Variants in RFX6 observed in about 807,000 individuals in gnomAD.
RFX6 encodes the protein regulatory factor X6, also known as DNA-binding protein RFX6.
A neutral mutation model predicts 110.8 loss-of-function variants in RFX6; 50 were observed. The observed-to-expected ratio is 0.45, with a 90% CI of 0.36 to 0.57. The LOEUF (loss-of-function observed/expected upper bound fraction) is 0.57. RFX6 is among the 20% of genes least tolerant of loss of function. The probability of loss-of-function intolerance (pLI) is 0.00; values close to 1 mark genes in which losing one functional copy is unlikely to be tolerated. For synonymous variants in RFX6, 383 were observed against 411.2 expected (o/e 0.93, Z 0.83); for missense variants, 990 against 1,127.0 (o/e 0.88, Z 1.74).
chr6:116,915,701 T>G (rs977613372), intron 7 of RFX6, among the ~76,000 whole-genome samples: 10 of 152,026 alleles, frequency 6.6e-5, no homozygotes, highest in Admixed American at 5.9e-4. Context: ...TAAATTTAAA[T>G]TAAAAATTAA....
chr6:116,924,823 T>A (rs1343994760), intron 15 of RFX6, 32 bp downstream of exon 15: 1 of 1,466,054 alleles, frequency 6.8e-7, no homozygotes, highest in South Asian at 1.1e-5. Flanking sequence ...GTTTTGCATA[T>A]TTCTTTGTTT....
chr6:116,899,318 T>G (rs1362451920), intron 6 of RFX6, among the ~76,000 whole-genome samples: 1 of 152,142 alleles, frequency 6.6e-6, no homozygotes, highest in Admixed American at 6.6e-5. Flanking sequence ...GAGTGGGTAA[T>G]TAATTTTTGG....
chr6:116,927,642 G>A (rs1775775628), intron 17 of RFX6, 103 bp downstream of exon 17: 6 of 909,450 alleles, frequency 6.6e-6, no homozygotes, highest in Non-Finnish European at 1.0e-5. Context: ...TTTCATTTAA[G>A]GCTTCCAAAG....
In RFX6 at chr6:116,920,455, G is replaced by A. The variant is rs1775570007; in HGVS notation, c.1327+1G>A. ...ACTGAATCTGGTATCTACACTGAACGTAAGTCCATTCTCTTTGTTTAGAAC... is the reference window on the plus strand; with the variant it reads ...ACTGAATCTGGTATCTACACTGAACATAAGTCCATTCTCTTTGTTTAGAAC... On this transcript the variant is annotated splice_donor_variant, in intron 12 of 18. Transcript: ENST00000332958. LOFTEE classifies it high-confidence loss of function. The A allele has an allele frequency of 3.7e-6, 6 of 1,612,322 alleles. No homozygotes were observed. The highest frequency in any genetic ancestry group is 3.4e-6 in the Non-Finnish European group (4 of 1,178,470).
At position 116,926,417 on chromosome 6, in the gene RFX6, C is replaced by T. The variant is rs113415667; in HGVS notation, c.1886-610C>T. 1.1e-3 allele frequency among the ~76,000 whole-genome samples: 172 copies of T among 152,270 alleles called. 1 individual carries two copies. The highest frequency in any genetic ancestry group is 4.0e-3 in the African/African-American group (168 of 41,556). On this transcript the variant is annotated intron_variant, in intron 16 of 18. Transcript: ENST00000332958. Reference sequence around the variant, plus strand: ...TATTTGGTGGCTTGAACTAGCTACTCGGGAATATTTTAAATCTGCTTATTG... The same window carrying T: ...TATTTGGTGGCTTGAACTAGCTACTTGGGAATATTTTAAATCTGCTTATTG...
At chr6:116,921,903 C>T in intron 12 of RFX6, 139 bp from the exon 13 acceptor site, 1 of 632,672 alleles carries the variant, frequency 1.6e-6, no homozygotes. Context: ...GATATTAATT[C>T]TTTTCACACA....
intron 6 of RFX6, among the ~76,000 whole-genome samples, chr6:116,895,755 C>A (rs1476602504): frequency 6.6e-6 from 1 of 152,126 alleles, no homozygotes; most frequent in Middle Eastern, 3.4e-3. Flanking sequence ...GTTAGACTAC[C>A]ATTAGGGACT....
intron 6 of RFX6, among the ~76,000 whole-genome samples, chr6:116,908,828 T>C (rs1200509853): frequency 6.6e-6 from 1 of 152,110 alleles, no homozygotes; most frequent in Non-Finnish European, 1.5e-5. Context: ...TGTTTGTTGT[T>C]AATATGATGA....
At chr6:116,906,350 C>G (rs546589136) in intron 6 of RFX6, among the ~76,000 whole-genome samples, 164 of 152,262 alleles carry the variant, frequency 1.1e-3, no homozygotes, top group African/African-American at 3.7e-3. Flanking sequence ...TACCCAGGGT[C>G]CCTTGAGATT....
intron 6 of RFX6, among the ~76,000 whole-genome samples, chr6:116,907,139 C>T (rs746648992): frequency 8.6e-5 from 13 of 151,578 alleles, no homozygotes; most frequent in Non-Finnish European, 1.8e-4. Flanking sequence ...TTTTTTATTC[C>T]ATTAATGTGA....
intron 17 of RFX6, 41 bp downstream of exon 17, chr6:116,927,580 G>A (rs749056916): frequency 7.1e-6 from 11 of 1,553,114 alleles, no homozygotes; most frequent in Non-Finnish European, 8.8e-6. Flanking sequence ...TTTTGAGATG[G>A]CAATGAGGCA....
chr6:116,882,535 T>G, intron 4 of RFX6, 107 bp downstream of exon 4: 3 of 805,756 alleles, frequency 3.7e-6, no homozygotes, highest in Non-Finnish European at 6.5e-6. Context: ...AGGTATTCTC[T>G]TGATGAAGCA....
chr6:116,879,491 T>C (rs930082228), intron 2 of RFX6, among the ~76,000 whole-genome samples: 1 of 151,924 alleles, frequency 6.6e-6, no homozygotes, highest in Non-Finnish European at 1.5e-5. Flanking sequence ...TTTTGGTCTT[T>C]TTTTGTTCTT....
At chr6:116,920,871 G>C (rs1775580576) in intron 12 of RFX6, among the ~76,000 whole-genome samples, 1 of 152,108 alleles carries the variant, frequency 6.6e-6, no homozygotes, top group Non-Finnish European at 1.5e-5. Flanking sequence ...TTTGAGTTTT[G>C]TAAGTTTTCT....
At chr6:116,890,070 T>C (rs563364845) in intron 4 of RFX6, among the ~76,000 whole-genome samples, 1 of 152,226 alleles carries the variant, frequency 6.6e-6, no homozygotes, top group South Asian at 2.1e-4. Context: ...TGCAGACATA[T>C]TTGAACTGTA....
chr6:116,929,612 A>T (rs1396042118), intron 18 of RFX6, among the ~76,000 whole-genome samples: 1 of 152,228 alleles, frequency 6.6e-6, no homozygotes, highest in Admixed American at 6.5e-5. Context: ...CTCATCTATG[A>T]AGAAATTCTG....
intron 6 of RFX6, among the ~76,000 whole-genome samples, chr6:116,906,984 A>G (rs564292901): frequency 2.6e-5 from 4 of 151,824 alleles, no homozygotes; most frequent in African/African-American, 9.7e-5. Flanking sequence ...TCACCATTAC[A>G]TATGATGTTT....
chr6:116,906,180 TA>T (rs1342736562), intron 6 of RFX6, among the ~76,000 whole-genome samples: 13 of 152,206 alleles, frequency 8.5e-5, no homozygotes, highest in Admixed American at 6.5e-4. Flanking sequence ...TATTTTACCA[TA>T]TATGTGAGGA....
chr6:116,924,894 G>T, intron 15 of RFX6, 103 bp downstream of exon 15: 1 of 829,730 alleles, frequency 1.2e-6, no homozygotes, highest in Non-Finnish European at 2.0e-6. Flanking sequence ...TAATCTCAGA[G>T]TTTTTCTCCA....
Sources: gnomAD v4.1 joint callset for allele counts (sites outside exome capture counted in the v4.1 genomes callset) on GRCh38, gnomAD v4.1.1 for gene constraint, MANE v1.5 for transcripts, NCBI Gene and HGNC (gene_info 2026-07-23, HGNC 2026-07-21) for gene names.